The following FDX1 variants were observed in gnomAD, a reference collection of about 807,000 sequenced individuals.
FDX1 encodes the protein ferredoxin 1, also known as adrenodoxin, mitochondrial.
FDX1 carries 9 observed loss-of-function variants against 14.9 expected under a neutral mutation model. That is an observed-to-expected ratio of 0.60 (90% CI 0.36 to 1.05). The LOEUF (loss-of-function observed/expected upper bound fraction) is 1.05, where lower values mean the gene tolerates loss of function less well. FDX1 is among the 50% of genes least tolerant of loss of function. FDX1 has a pLI of 0.01. For synonymous variants in FDX1, 92 were observed against 99.4 expected, an observed-to-expected ratio of 0.93 and a Z score of 0.44; for missense variants, 204 against 237.2, an observed-to-expected ratio of 0.86 and a Z score of 0.92.
rs1434219047 is a variant in FDX1 at position 110,463,480 on chromosome 11, C to A, written c.*1012C>A. The stretch of plus-strand genomic sequence containing the variant: ...CTCTTATCTTTACTATAAATAAATT[C>A]ATAAAAGTTAACAAAGGGGTACACA... On this transcript the variant is annotated 3_prime_UTR_variant, in exon 4 of 4. Transcript: ENST00000260270. 2.0e-5 allele frequency: 3 copies of A among 152,182 alleles called. No individual in the cohort carries two copies. The highest frequency in any genetic ancestry group is 4.4e-5 in the Non-Finnish European group (3 of 68,028). 9.4% of individuals were successfully genotyped at this position (152,182 alleles called of 1,614,324 possible). A position where few individuals can be genotyped will look rare whatever the true frequency, so the allele number is the denominator to read the frequency against.
intron 2 of FDX1, among the ~76,000 whole-genome samples, chr11:110,442,957 C>T (rs1333685116): frequency 6.6e-6 from 1 of 152,116 alleles, no homozygotes; most frequent in Non-Finnish European, 1.5e-5. Flanking sequence ...CTCACAATAT[C>T]TGACAGTTTT....
intron 2 of FDX1, among the ~76,000 whole-genome samples, chr11:110,450,452 G>A (rs1946479128): frequency 1.3e-5 from 2 of 152,196 alleles, no homozygotes; most frequent in Non-Finnish European, 2.9e-5. Flanking sequence ...ACGGTAATGT[G>A]AGCAATGGGG....
At chr11:110,429,921 A>C (rs1211454276), upstream of FDX1, 1 of 339,980 alleles carries the variant, frequency 2.9e-6, no homozygotes, top group Non-Finnish European at 5.3e-6. Flanking sequence ...TCTGCTTGCC[A>C]ATGTCTTTAT....
intron 2 of FDX1, among the ~76,000 whole-genome samples, chr11:110,443,273 C>T (rs76520647): frequency 0.019 from 2,868 of 148,766 alleles, 78 homozygotes; most frequent in African/African-American, 0.063. Flanking sequence ...TGCCCTGCCC[C>T]GCTACCTTTT....
chr11:110,453,269 C>T (rs1489536370), intron 2 of FDX1, among the ~76,000 whole-genome samples: 5 of 152,120 alleles, frequency 3.3e-5, no homozygotes, highest in South Asian at 2.1e-4. Flanking sequence ...ACCCGGGAGG[C>T]GGAGGTTGCC....
chr11:110,446,869 A>G (rs1946453291), intron 2 of FDX1, among the ~76,000 whole-genome samples: 1 of 152,204 alleles, frequency 6.6e-6, no homozygotes, highest in Admixed American at 6.5e-5. Context: ...CAGACATGTC[A>G]GTCCCCTGAT....
intron 3 of FDX1, among the ~76,000 whole-genome samples, chr11:110,458,983 T>C (rs1040025820): frequency 6.6e-6 from 1 of 152,198 alleles, no homozygotes; most frequent in African/African-American, 2.4e-5. Context: ...ATTGTTTTTT[T>C]CATACTGGTT....
intron 2 of FDX1, among the ~76,000 whole-genome samples, chr11:110,445,403 C>G (rs969664818): frequency 1.5e-5 from 2 of 136,342 alleles, no homozygotes; most frequent in Admixed American, 7.6e-5. Flanking sequence ...TATTACAGTA[C>G]AGTTTTTTTT....
At chr11:110,436,463 C>T (rs1946370030) in intron 2 of FDX1, among the ~76,000 whole-genome samples, 1 of 152,166 alleles carries the variant, frequency 6.6e-6, no homozygotes, top group African/African-American at 2.4e-5. Flanking sequence ...CTGTATATGA[C>T]CTGTCAGTTT....
intron 2 of FDX1, among the ~76,000 whole-genome samples, chr11:110,445,716 T>C (rs1029831216): frequency 3.3e-5 from 5 of 152,166 alleles, no homozygotes; most frequent in Non-Finnish European, 5.9e-5. Context: ...TGACCTTGGG[T>C]TGGGTATCTA....
Position 110,462,517 on chromosome 11 carries a change from T to C in FDX1, c.*49T>C, listed in dbSNP as rs191997967. The C allele has an allele frequency of 1.4e-3, 1,443 of 1,033,898 alleles. 15 individuals are homozygous for C. Among genetic ancestry groups the C allele is most frequent in the Non-Finnish European group, 1.1e-4 (76 of 682,606 alleles). 64.0% of individuals were successfully genotyped at this position (1,033,898 alleles called of 1,614,324 possible). A position where few individuals can be genotyped will look rare whatever the true frequency, so the allele number is the denominator to read the frequency against. ...CATGGAATTTTACCTATTTTTATAA[T>C]TATTATTTCTTAAAGTGATTAAATG... On this transcript the variant is annotated 3_prime_UTR_variant, in exon 4 of 4. Coordinates refer to ENST00000260270, the MANE Select transcript of FDX1 (RefSeq NM_004109.5).
intron 3 of FDX1, among the ~76,000 whole-genome samples, chr11:110,461,332 C>CA (rs1946554826): frequency 2.0e-5 from 3 of 151,592 alleles, no homozygotes. Context: ...CTTGTCTCTA[C>CA]AAAAAATACA....
chr11:110,439,112 G>T (rs1194927471), intron 2 of FDX1, among the ~76,000 whole-genome samples: 1 of 151,584 alleles, frequency 6.6e-6, no homozygotes, highest in Non-Finnish European at 1.5e-5. Flanking sequence ...CACCATGTTG[G>T]CCAGGCTGGT....
At chr11:110,451,861 T>C (rs1946488670) in intron 2 of FDX1, among the ~76,000 whole-genome samples, 1 of 152,220 alleles carries the variant, frequency 6.6e-6, no homozygotes, top group African/African-American at 2.4e-5. Context: ...ATGTTCTCAC[T>C]TACGTATACC....
chr11:110,456,702 A>T (rs1425264496), intron 2 of FDX1, among the ~76,000 whole-genome samples: 1 of 151,562 alleles, frequency 6.6e-6, no homozygotes, highest in African/African-American at 2.4e-5. Context: ...TAAAGACGGG[A>T]TTTCACTATA....
chr11:110,444,690 A>ATATATATATATACACG (rs1242421514), intron 2 of FDX1, among the ~76,000 whole-genome samples: 2 of 54,982 alleles, frequency 3.6e-5, no homozygotes, highest in East Asian at 7.6e-4. Context: ...ATATACACGT[A>ATATATATATATACACG]TATATATATA....
intron 2 of FDX1, among the ~76,000 whole-genome samples, chr11:110,449,644 T>G (rs1250950444): frequency 6.6e-6 from 1 of 152,194 alleles, no homozygotes; most frequent in Non-Finnish European, 1.5e-5. Context: ...TTATAATATT[T>G]TGAGACAGAG....
chr11:110,442,075 G>A (rs760358628), intron 2 of FDX1, among the ~76,000 whole-genome samples: 14 of 152,218 alleles, frequency 9.2e-5, no homozygotes, highest in Non-Finnish European at 1.9e-4. Flanking sequence ...GCCTGCTAGT[G>A]TACAGAAGTC....
intron 2 of FDX1, among the ~76,000 whole-genome samples, chr11:110,437,457 C>A: frequency 6.6e-6 from 1 of 151,982 alleles, no homozygotes; most frequent in Non-Finnish European, 1.5e-5. Flanking sequence ...TTAAGTTTCC[C>A]TGGTTATACA....
Sources: allele counts gnomAD v4.1 joint callset (sites outside exome capture counted in the v4.1 genomes callset), GRCh38; gene constraint gnomAD v4.1.1; transcripts MANE v1.5; gene names NCBI Gene and HGNC (gene_info 2026-07-23, HGNC 2026-07-21).